Variants in TMEM138 observed in about 807,000 individuals in gnomAD.
TMEM138 encodes transmembrane protein 138.
A neutral mutation model predicts 18.1 loss-of-function variants in TMEM138; 9 were observed. That is an observed-to-expected ratio of 0.50 (90% CI 0.30 to 0.87). The LOEUF is 0.87. Ranked by LOEUF, TMEM138 falls within the 40% of genes least tolerant of loss-of-function variation. TMEM138 has a pLI of 0.06. For missense variants in TMEM138, 189 were observed against 190.6 expected (o/e 0.99, Z 0.05); for synonymous variants, 79 against 74.8 (o/e 1.06, Z -0.29).
downstream of TMEM138, among the ~76,000 whole-genome samples, chr11:61,372,646 C>T (rs536549098): frequency 9.9e-5 from 15 of 151,998 alleles, no homozygotes; most frequent in Middle Eastern, 0.01. Context: ...ATTAGGCAGG[C>T]GTGGTGGCAG....
At chr11:61,376,659 T>TA (rs1396382159), downstream of TMEM138, among the ~76,000 whole-genome samples, 2 of 152,214 alleles carry the variant, frequency 1.3e-5, no homozygotes, top group Admixed American at 1.3e-4. Context: ...GCCACTTTCA[T>TA]ACCTGCCTAC....
chr11:61,365,903 A>G lies in TMEM138; in HGVS notation c.129-142A>G, dbSNP rs186496428. On this transcript the variant is annotated intron_variant, in intron 2 of 4. Transcript: ENST00000278826. ...TCATGTCATTCAGGTCCCAAAACCCATGTTATCTCTGTGAGGGTTTAAGAT... is the reference window on the plus strand; with the variant it reads ...TCATGTCATTCAGGTCCCAAAACCCGTGTTATCTCTGTGAGGGTTTAAGAT... The G allele has an allele frequency of 2.1e-3, 2,286 of 1,072,114 alleles. 7 individuals are homozygous for G. Among genetic ancestry groups the G allele is most frequent in the Non-Finnish European group, 2.7e-3 (2,120 of 777,832 alleles). 66.4% of individuals were successfully genotyped at this position (1,072,114 alleles called of 1,614,324 possible). A position where few individuals can be genotyped will look rare whatever the true frequency, so the allele number is the denominator to read the frequency against.
downstream of TMEM138, among the ~76,000 whole-genome samples, chr11:61,375,489 A>G (rs1858423878): frequency 6.6e-6 from 1 of 151,390 alleles, no homozygotes; most frequent in Admixed American, 6.6e-5. Context: ...TGCCTGGCTA[A>G]TTTTTGTATT....
intron 3 of TMEM138, chr11:61,366,466 CTTTTCT>C (rs1565078378): frequency 4.0e-4 from 159 of 394,178 alleles, no homozygotes; most frequent in Middle Eastern, 1.3e-3. Context: ...CTTTTCTTTT[CTTTTCT>C]TTTTTTTTTT....
At chr11:61,375,660 A>G (rs764304623), downstream of TMEM138, among the ~76,000 whole-genome samples, 22 of 152,198 alleles carry the variant, frequency 1.4e-4, no homozygotes, top group Non-Finnish European at 2.9e-4. Flanking sequence ...TGTTATTTGC[A>G]TAAGTGCAAT....
chr11:61,364,727 C>T (rs1286617226), intron 2 of TMEM138: 2 of 523,556 alleles, frequency 3.8e-6, no homozygotes, highest in Non-Finnish European at 6.4e-6. Flanking sequence ...CTGTCTCTAC[C>T]TACTAAAAAT....
At chr11:61,371,114 A>C (rs1858331479), downstream of TMEM138, among the ~76,000 whole-genome samples, 1 of 152,158 alleles carries the variant, frequency 6.6e-6, no homozygotes, top group Non-Finnish European at 1.5e-5. Flanking sequence ...AGCTCACTAC[A>C]ACTTCCGCCT....
At chr11:61,362,721 G>C (rs1403249799) in intron 1 of TMEM138, 1 of 152,194 alleles carries the variant, frequency 6.6e-6, no homozygotes, top group Admixed American at 6.5e-5. Context: ...GCCCTGGATG[G>C]TGGCCTATGA....
At chr11:61,372,236 A>G (rs1173401079), downstream of TMEM138, among the ~76,000 whole-genome samples, 2 of 151,982 alleles carry the variant, frequency 1.3e-5, no homozygotes, top group Non-Finnish European at 2.9e-5. Flanking sequence ...AATTCTACCT[A>G]AAGTGTTGAA....
downstream of TMEM138, among the ~76,000 whole-genome samples, chr11:61,375,967 C>T (rs116846703): frequency 0.012 from 1,791 of 152,248 alleles, 76 homozygotes; most frequent in East Asian, 0.15. Context: ...CACAAATCCA[C>T]GGCTGGGCTC....
At chr11:61,366,452 T>A in intron 3 of TMEM138, 1 of 412,144 alleles carries the variant, frequency 2.4e-6, no homozygotes, top group Non-Finnish European at 4.3e-6. Flanking sequence ...TAGGAATAAC[T>A]TTTCTTTTCT....
At chr11:61,371,152 A>G (rs1405851505), downstream of TMEM138, among the ~76,000 whole-genome samples, 1 of 152,168 alleles carries the variant, frequency 6.6e-6, no homozygotes, top group Non-Finnish European at 1.5e-5. Flanking sequence ...CTCCTGCCTC[A>G]GCCTTCCCAG....
rs750360428 is a variant in TMEM138, at chr11:61,364,377, A to C, written c.-14A>C. On this transcript the variant is annotated 5_prime_UTR_variant, in exon 2 of 5. Coordinates refer to ENST00000278826, the MANE Select transcript of TMEM138 (RefSeq NM_016464.5). The stretch of plus-strand genomic sequence containing the variant: ...TGGGATGTGCCCTTGGGGGCCCGAG[A>C]AAACAGAAGGAAGATGCTCCAGACC... 2.2e-5 allele frequency: 35 copies of C among 1,613,562 alleles called. No individual in the cohort carries two copies. Among genetic ancestry groups the C allele is most frequent in the Non-Finnish European group, 2.9e-5 (34 of 1,179,700 alleles).
chr11:61,366,348 C>A, intron 3 of TMEM138, 132 bp downstream of exon 3: 1 of 1,048,204 alleles, frequency 9.5e-7, no homozygotes, highest in Non-Finnish European at 1.3e-6. Context: ...CAAGCTCAAG[C>A]AATTCTCCTG....
intron 3 of TMEM138, 52 bp downstream of exon 3, chr11:61,366,268 G>A: frequency 6.4e-7 from 1 of 1,572,126 alleles, no homozygotes; most frequent in South Asian, 1.2e-5. Context: ...AAATAGAGGT[G>A]GGGTCTTACT....
rs1411782602 is a variant in TMEM138, at chr11:61,366,143, A to G, written c.227A>G (p.His76Arg). ...GCTGGCCTGGTCAACCTCCTATTCC[A>G]TAAGTTCAAAGGGACCATCATCCTG... Reference protein sequence around the residue: ...FQAGLVNLLFHKFKGTIILTA... With the variant: ...FQAGLVNLLFRKFKGTIILTA... Residue 76 changes from histidine (H) to arginine (R), a missense_variant, in exon 3 of 5, where the codon CAT (histidine) becomes CGT (arginine). Physicochemically the swap from His to Arg is conservative, Grantham distance 29. Coordinates refer to ENST00000278826, the MANE Select transcript of TMEM138 (RefSeq NM_016464.5). The G allele has an allele frequency of 2.5e-6, 4 of 1,614,160 alleles. No homozygotes were observed. The highest frequency in any genetic ancestry group is 2.2e-5 in the East Asian group (1 of 44,876).
downstream of TMEM138, among the ~76,000 whole-genome samples, chr11:61,370,651 G>T (rs1442230522): frequency 6.6e-6 from 1 of 152,196 alleles, no homozygotes; most frequent in Non-Finnish European, 1.5e-5. Flanking sequence ...TCACACCAGA[G>T]AGCTGCTCTG....
chr11:61,362,825 T>G (rs1857975416), intron 1 of TMEM138: 1 of 152,276 alleles, frequency 6.6e-6, no homozygotes, highest in African/African-American at 2.4e-5. Flanking sequence ...CTGACTTCTG[T>G]GTCCTTTCCT....
downstream of TMEM138, among the ~76,000 whole-genome samples, chr11:61,374,288 C>T (rs1254640054): frequency 2.0e-5 from 3 of 151,534 alleles, no homozygotes; most frequent in Non-Finnish European, 2.9e-5. Context: ...GCTGGGATTA[C>T]AGGCACCCAC....
Sources: gnomAD v4.1 joint callset for allele counts (sites outside exome capture counted in the v4.1 genomes callset) on GRCh38, gnomAD v4.1.1 for gene constraint, MANE v1.5 for transcripts, NCBI Gene and HGNC (gene_info 2026-07-23, HGNC 2026-07-21) for gene names.